HMCN1: variants seen among roughly 807,000 people sequenced by gnomAD.
The protein encoded by HMCN1 is hemicentin-1.
A neutral mutation model predicts 625.9 loss-of-function variants in HMCN1; 321 were observed. That is an observed-to-expected ratio of 0.51 (90% CI 0.47 to 0.56). HMCN1 has a LOEUF of 0.56. Ranked by LOEUF, HMCN1 falls within the 20% of genes least tolerant of loss-of-function variation. HMCN1 has a pLI of 0.00. For synonymous variants in HMCN1, 2,425 were observed against 2,417.6 expected, an observed-to-expected ratio of 1.00 and a Z score of -0.09; for missense variants, 6,588 against 6,887.3, an observed-to-expected ratio of 0.96 and a Z score of 1.54.
At chr1:185,752,465 T>G (rs1252770671) in intron 1 of HMCN1, among the ~76,000 whole-genome samples, 1 of 152,190 alleles carries the variant, frequency 6.6e-6, no homozygotes, top group Non-Finnish European at 1.5e-5. Context: ...CTTTTTTATT[T>G]TGGGCGTTGG....
Position 185,892,150 on chromosome 1 carries a change from T to G in HMCN1, c.622-17187T>G, listed in dbSNP as rs564085548. ...CTTCACGTAGTTCTCGAGCCTTGGT[T>G]TTCAGCTCCATCAGCTCCTTTAAGC... On this transcript the variant is annotated intron_variant, in intron 4 of 106. Coordinates refer to ENST00000271588, the MANE Select transcript of HMCN1 (RefSeq NM_031935.3). Among the ~76,000 whole-genome samples the G allele has an allele frequency of 1.3e-5, 2 of 149,110 alleles. 1 individual carries two copies. The highest frequency in any genetic ancestry group is 5.2e-5 in the African/African-American group (2 of 38,432).
chr1:186,181,188 A>C (rs1364738255), intron 104 of HMCN1, among the ~76,000 whole-genome samples: 1 of 152,110 alleles, frequency 6.6e-6, no homozygotes. Context: ...AAGAAGTAAA[A>C]ACTCACACAA....
At chr1:186,014,427 A>G (rs1357496777) in intron 30 of HMCN1, among the ~76,000 whole-genome samples, 1 of 151,994 alleles carries the variant, frequency 6.6e-6, no homozygotes, top group Non-Finnish European at 1.5e-5. Flanking sequence ...GATTATATTG[A>G]TACTCAAATT....
chr1:185,999,167 T>C (rs1319163170), intron 25 of HMCN1, among the ~76,000 whole-genome samples: 1 of 152,042 alleles, frequency 6.6e-6, no homozygotes, highest in Non-Finnish European at 1.5e-5. Flanking sequence ...CATCTTTTAA[T>C]ATTTTACTGT....
At chr1:185,806,760 A>G (rs773409401) in intron 1 of HMCN1, among the ~76,000 whole-genome samples, 1 of 152,152 alleles carries the variant, frequency 6.6e-6, no homozygotes, top group Non-Finnish European at 1.5e-5. Flanking sequence ...ACCCACTACA[A>G]AGTTTTGTAT....
intron 1 of HMCN1, among the ~76,000 whole-genome samples, chr1:185,834,372 A>G (rs1420183850): frequency 2.0e-5 from 3 of 152,166 alleles, no homozygotes; most frequent in Non-Finnish European, 4.4e-5. Context: ...GCAAAACTTG[A>G]CTGAAAAAGG....
intron 1 of HMCN1, among the ~76,000 whole-genome samples, chr1:185,790,589 G>A (rs191855667): frequency 6.6e-6 from 1 of 152,324 alleles, no homozygotes; most frequent in East Asian, 1.9e-4. Flanking sequence ...GACGTTTGAT[G>A]TCACATGGCC....
intron 4 of HMCN1, among the ~76,000 whole-genome samples, chr1:185,895,361 T>C (rs1465859149): frequency 1.3e-5 from 2 of 152,196 alleles, no homozygotes; most frequent in Admixed American, 1.3e-4. Context: ...TATCCTGTGA[T>C]TGCTGAGAGC....
chr1:185,911,035 CT>C (rs1666388000), intron 5 of HMCN1, among the ~76,000 whole-genome samples: 1 of 152,170 alleles, frequency 6.6e-6, no homozygotes, highest in Non-Finnish European at 1.5e-5. Context: ...TATCATGCTA[CT>C]TCATTGCACT....
In HMCN1 at chr1:186,014,095, A is replaced by C. The variant is rs140260501; in HGVS notation, c.4631-1064A>C. ...TACCAAAGGTACATGCTGTCAGCATAACTTAGCACAGGTCTCAGTGATAAG... is the reference window on the plus strand; with the variant it reads ...TACCAAAGGTACATGCTGTCAGCATCACTTAGCACAGGTCTCAGTGATAAG... On this transcript the variant is annotated intron_variant, in intron 30 of 106. Transcript: ENST00000271588. 2.4e-3 allele frequency among the ~76,000 whole-genome samples: 361 copies of C among 152,230 alleles called. 1 individual carries two copies. The highest frequency in any genetic ancestry group is 3.9e-3 in the Admixed American group (60 of 15,272).
At chr1:186,092,723 G>A (rs113747476) in intron 64 of HMCN1, among the ~76,000 whole-genome samples, 1 of 151,926 alleles carries the variant, frequency 6.6e-6, no homozygotes, top group East Asian at 1.9e-4. Context: ...TGATCCTATT[G>A]TGTTTTTTAT....
Position 186,160,873 on chromosome 1 carries a change from G to A in HMCN1, c.15257-4238G>A, listed in dbSNP as rs1651414939. ...GTCAATTTTGGAATAGGTGTGGTGT[G>A]GTGCTGAAAAAAATGTATATTCTGT... On this transcript the variant is annotated intron_variant, in intron 97 of 106. Transcript: ENST00000271588. 1.3e-5 allele frequency among the ~76,000 whole-genome samples: 2 copies of A among 150,752 alleles called. 1 individual carries two copies. The highest frequency in any genetic ancestry group is 3.9e-4 in the East Asian group (2 of 5,152).
At chr1:185,896,658 A>G (rs926853000) in intron 4 of HMCN1, among the ~76,000 whole-genome samples, 2 of 152,332 alleles carry the variant, frequency 1.3e-5, no homozygotes, top group East Asian at 1.9e-4. Flanking sequence ...ATGCCTCAAA[A>G]CTTTGGTCAA....
At chr1:185,876,903 G>A (rs1558033245) in intron 4 of HMCN1, among the ~76,000 whole-genome samples, 1 of 151,694 alleles carries the variant, frequency 6.6e-6, no homozygotes, top group Non-Finnish European at 1.5e-5. Context: ...CTCTGCAGGA[G>A]GTATTTTGTT....
At chr1:186,046,912 A>G (rs1656612256) in intron 41 of HMCN1, among the ~76,000 whole-genome samples, 1 of 152,206 alleles carries the variant, frequency 6.6e-6, no homozygotes. Context: ...TCAAAAGATC[A>G]GGTAAGTAAT....
intron 11 of HMCN1, among the ~76,000 whole-genome samples, chr1:185,953,413 C>G (rs957344053): frequency 3.3e-5 from 5 of 152,002 alleles, no homozygotes; most frequent in Admixed American, 3.3e-4. Context: ...CAGGGGAAGT[C>G]TGCCTTCCCA....
At chr1:186,120,232 T>A in intron 80 of HMCN1, 87 bp downstream of exon 80, 1 of 1,393,564 alleles carries the variant, frequency 7.2e-7, no homozygotes, top group Non-Finnish European at 9.9e-7. Flanking sequence ...ATGATTATGC[T>A]GCTGTTCCCC....
At chr1:185,959,454 T>G (rs964286703) in intron 11 of HMCN1, among the ~76,000 whole-genome samples, 2 of 152,198 alleles carry the variant, frequency 1.3e-5, no homozygotes, top group African/African-American at 2.4e-5. Context: ...GTATTGGTTT[T>G]TATTTTATAT....
At chr1:185,817,527 A>T (rs78743128) in intron 1 of HMCN1, among the ~76,000 whole-genome samples, 4,257 of 152,220 alleles carry the variant, frequency 0.028, 178 homozygotes, top group African/African-American at 0.092. Flanking sequence ...TGACATGATA[A>T]AGCAGTGAAG....
Sources: allele counts gnomAD v4.1 joint callset (sites outside exome capture counted in the v4.1 genomes callset), GRCh38; gene constraint gnomAD v4.1.1; transcripts MANE v1.5; gene names NCBI Gene and HGNC (gene_info 2026-07-23, HGNC 2026-07-21).